TXNL4A: variants seen among roughly 807,000 people sequenced by gnomAD.
TXNL4A encodes the protein thioredoxin like 4A, also known as thioredoxin-like protein 4A.
Under a neutral mutation model 14.6 loss-of-function variants are expected in TXNL4A, and 17 were observed. That is an observed-to-expected ratio of 1.16 (90% CI 0.80 to 1.74). TXNL4A has a LOEUF of 1.74. Ranked by LOEUF, TXNL4A falls within the 40% of genes most tolerant of loss-of-function variation. TXNL4A has a pLI of 0.00. For missense variants in TXNL4A, 74 were observed against 195.2 expected (o/e 0.38, Z 3.70); for synonymous variants, 83 against 70.6 (o/e 1.18, Z -0.88).
In TXNL4A at chr18:79,973,018, G is replaced by A. The variant is rs186379655; in HGVS notation, c.*667C>T. ...AGCACCTCAGACTGTGACTTTTGTG[G>A]ACATAAGATCCTTGCAAATGTAATT... On this transcript the variant is annotated 3_prime_UTR_variant, in exon 3 of 3. Transcript: ENST00000269601. 3 of 152,250 alleles carry A rather than the reference G, an allele frequency of 2.0e-5. No homozygotes were observed. The highest frequency in any genetic ancestry group is 2.9e-5 in the Non-Finnish European group (2 of 68,030). 9.4% of individuals were successfully genotyped at this position (152,250 alleles called of 1,614,324 possible). A position where few individuals can be genotyped will look rare whatever the true frequency, so the allele number is the denominator to read the frequency against.
chr18:80,029,603 A>AGGGAT (rs2051908272), intron 1 of TXNL4A, among the ~76,000 whole-genome samples: 1 of 152,188 alleles, frequency 6.6e-6, no homozygotes, highest in African/African-American at 2.4e-5. Context: ...AACTTGGCTC[A>AGGGAT]TATTTTCACA....
rs977523188 is a variant in TXNL4A, at chr18:79,982,397, C to T, written c.154-4696G>A. Among the ~76,000 whole-genome samples the T allele has an allele frequency of 3.3e-5, 5 of 152,168 alleles. No individual in the cohort carries two copies. Among genetic ancestry groups the T allele is most frequent in the African/African-American group, 4.8e-5 (2 of 41,440 alleles). On this transcript the variant is annotated intron_variant, in intron 1 of 2. Coordinates refer to ENST00000269601, the MANE Select transcript of TXNL4A (RefSeq NM_006701.5). This position sits in a 1 kb window ranked among gnomAD's most constrained non-coding sequence, Gnocchi z 4.0. ...CCAGAGAAAAAGGCCCTCCAGGTAG[C>T]GACTGGCCTGGAGCTGTACAATGGA...
rs1313103867 is a variant in TXNL4A at position 79,995,030 on chromosome 18, C to T, written c.-60-17329G>A. ...ATAGGGACTCCTCTCATGATCAACC[C>T]GTTTCGGGAACAACTGTTAACAGTT... is the stretch of plus-strand genomic sequence containing the variant. On this transcript the variant is annotated intron_variant, in intron 1 of 2. Transcript: ENST00000585474. 1.3e-5 allele frequency: 2 copies of T among 152,344 alleles called. 1 individual carries two copies. Among genetic ancestry groups the T allele is most frequent in the Middle Eastern group, 6.8e-3 (2 of 294 alleles). 9.4% of individuals were successfully genotyped at this position (152,344 alleles called of 1,614,324 possible).
intron 1 of TXNL4A, among the ~76,000 whole-genome samples, chr18:80,015,085 A>G (rs1464189875): frequency 2.6e-5 from 4 of 152,232 alleles, no homozygotes; most frequent in Non-Finnish European, 5.9e-5. Flanking sequence ...CCCTGGGCCC[A>G]GCCCACAAAA....
chr18:79,989,063 G>A (rs903866554), upstream of TXNL4A, among the ~76,000 whole-genome samples: 4 of 152,356 alleles, frequency 2.6e-5, no homozygotes, highest in East Asian at 1.9e-4. Flanking sequence ...GGCCGTCCTT[G>A]AGGAATGTCA....
At chr18:79,974,552 T>C (rs974382262) in intron 2 of TXNL4A, among the ~76,000 whole-genome samples, 3 of 152,196 alleles carry the variant, frequency 2.0e-5, no homozygotes, top group Non-Finnish European at 2.9e-5. Flanking sequence ...GGCTAGGGCA[T>C]AGTGGCAAAA....
intron 1 of TXNL4A, among the ~76,000 whole-genome samples, chr18:80,022,576 A>G (rs901135971): frequency 3.9e-5 from 6 of 152,210 alleles, no homozygotes; most frequent in African/African-American, 1.4e-4. Flanking sequence ...AATAGAATAT[A>G]CGCCACTTTC....
chr18:80,030,640 T>C (rs1484245296), intron 1 of TXNL4A: 1 of 152,224 alleles, frequency 6.6e-6, no homozygotes, highest in African/African-American at 2.4e-5. Context: ...CATGCTGGCA[T>C]AACAAAAGAC....
intron 1 of TXNL4A, among the ~76,000 whole-genome samples, chr18:80,024,834 G>A (rs151321311): frequency 5.3e-5 from 8 of 152,110 alleles, no homozygotes; most frequent in South Asian, 2.1e-4. Flanking sequence ...AGGAGGTAAC[G>A]GCCCTGAAAA....
At chr18:79,980,772 G>A (rs1412091862) in intron 1 of TXNL4A, among the ~76,000 whole-genome samples, 2 of 152,136 alleles carry the variant, frequency 1.3e-5, no homozygotes, top group Non-Finnish European at 2.9e-5. Context: ...GCCCACTGCA[G>A]GAGCATGCAA....
intron 1 of TXNL4A, among the ~76,000 whole-genome samples, chr18:79,978,207 G>A (rs1036568533): frequency 2.6e-4 from 39 of 152,140 alleles, no homozygotes; most frequent in African/African-American, 7.0e-4. Flanking sequence ...TGCAGAAAAC[G>A]TCCACAGACA....
At chr18:80,010,895 C>G (rs2051765211) in intron 1 of TXNL4A, among the ~76,000 whole-genome samples, 1 of 152,048 alleles carries the variant, frequency 6.6e-6, no homozygotes, top group African/African-American at 2.4e-5. Context: ...CTAAGGCAAG[C>G]TAACTCCTTT....
chr18:79,996,665 G>A (rs1265411230), intron 1 of TXNL4A, among the ~76,000 whole-genome samples: 2 of 152,200 alleles, frequency 1.3e-5, no homozygotes, highest in East Asian at 1.9e-4. Context: ...CCTGACAGCA[G>A]GATGCAGTCA....
Position 80,011,083 on chromosome 18 carries a change from T to C in TXNL4A, c.-61+22768A>G, listed in dbSNP as rs1040968967. 3.9e-5 allele frequency among the ~76,000 whole-genome samples: 6 copies of C among 152,152 alleles called. No homozygotes were observed. The highest frequency in any genetic ancestry group is 1.4e-4 in the African/African-American group (6 of 41,434). ...AAAGGCACATCCATGTGTGGTTTTA[T>C]TTGCATTACCATTTGGTGCTTGTTA... On this transcript the variant is annotated intron_variant, in intron 1 of 2. Coordinates refer to the TXNL4A transcript ENST00000585474. The surrounding 1 kb of genome is among the most constrained non-coding windows in gnomAD (Gnocchi z 4.1).
chr18:79,988,175 C>T (rs1302850444), intron 1 of TXNL4A, 65 bp downstream of exon 1: 21 of 1,367,016 alleles, frequency 1.5e-5, no homozygotes, highest in Non-Finnish European at 1.9e-5. Context: ...GCGACGCCGG[C>T]AGGGCAGAGG....
upstream of TXNL4A, among the ~76,000 whole-genome samples, chr18:79,989,712 C>G (rs1002231708): frequency 2.6e-5 from 4 of 152,054 alleles, no homozygotes; most frequent in African/African-American, 4.8e-5. Flanking sequence ...AAACAAATCA[C>G]GCCCGGGCGC....
At chr18:80,013,591 C>T (rs997142117) in intron 1 of TXNL4A, among the ~76,000 whole-genome samples, 2 of 152,082 alleles carry the variant, frequency 1.3e-5, no homozygotes, top group African/African-American at 4.8e-5. Flanking sequence ...TGCGCCACCA[C>T]GCCCGGCTAA....
chr18:79,999,134 C>A (rs1366773755), intron 1 of TXNL4A, among the ~76,000 whole-genome samples: 2 of 152,148 alleles, frequency 1.3e-5, no homozygotes, highest in Non-Finnish European at 2.9e-5. Context: ...GCACTGACAG[C>A]TGCTATGCTT....
At chr18:79,991,279 AT>A (rs1289737493), upstream of TXNL4A, among the ~76,000 whole-genome samples, 1 of 151,808 alleles carries the variant, frequency 6.6e-6, no homozygotes, top group Non-Finnish European at 1.5e-5. Flanking sequence ...GTCATTTCCC[AT>A]TTCCCTCCCA....
Sources: gnomAD v4.1 joint callset for allele counts (sites outside exome capture counted in the v4.1 genomes callset) on GRCh38, gnomAD v4.1.1 for gene constraint, Gnocchi (gnomAD v3.1) non-coding constraint, MANE v1.5 for transcripts, NCBI Gene and HGNC (gene_info 2026-07-23, HGNC 2026-07-21) for gene names.